The following GSAP variants were observed in gnomAD, a reference collection of about 807,000 sequenced individuals.
GSAP encodes the protein gamma-secretase-activating protein.
GSAP carries 118 observed loss-of-function variants against 131.7 expected under a neutral mutation model. That is an observed-to-expected ratio of 0.90 (90% CI 0.77 to 1.04). The LOEUF (loss-of-function observed/expected upper bound fraction) is 1.04. Ranked by LOEUF, GSAP falls within the 50% of genes least tolerant of loss-of-function variation. The pLI is 0.00. For synonymous variants in GSAP, 381 were observed against 363.4 expected (o/e 1.05, Z -0.55); for missense variants, 1,019 against 1,013.2 (o/e 1.01, Z -0.08).
At chr7:77,408,099 T>C (rs1167924746) in intron 1 of GSAP, among the ~76,000 whole-genome samples, 2 of 152,188 alleles carry the variant, frequency 1.3e-5, no homozygotes, top group Non-Finnish European at 2.9e-5. Context: ...ACTTCTGAGG[T>C]TCCATTAATG....
chr7:77,330,826 CTGCCCAGGACATTTT>C, intron 19 of GSAP: 5 of 983,208 alleles, frequency 5.1e-6, no homozygotes, highest in Non-Finnish European at 4.8e-6. Context: ...AATTTATTTA[CTGCCCAGGACATTTT>C]TCAAAACCTA....
At chr7:77,403,680 C>T (rs1859572) in intron 3 of GSAP, among the ~76,000 whole-genome samples, 57,187 of 151,910 alleles carry the variant, frequency 0.38, 13,896 homozygotes, top group African/African-American at 0.69. Context: ...ATAGGATGAC[C>T]TGGGAGTACA....
intron 6 of GSAP, among the ~76,000 whole-genome samples, chr7:77,383,913 T>C (rs1798151062): frequency 6.6e-6 from 1 of 152,262 alleles, no homozygotes; most frequent in African/African-American, 2.4e-5. Context: ...TTAAAAATAG[T>C]ACTAGTCAAA....
intron 18 of GSAP, among the ~76,000 whole-genome samples, chr7:77,350,418 TATA>T (rs1385321239): frequency 6.8e-6 from 1 of 146,226 alleles, no homozygotes; most frequent in Non-Finnish European, 1.5e-5. Flanking sequence ...AAACTTAAAG[TATA>T]ATAATTAAAA....
At chr7:77,339,263 T>G (rs942488677) in intron 19 of GSAP, among the ~76,000 whole-genome samples, 2 of 151,958 alleles carry the variant, frequency 1.3e-5, no homozygotes, top group African/African-American at 4.8e-5. Flanking sequence ...TTGGAGTGAA[T>G]GGGTGGTATT....
intron 22 of GSAP, 43 bp from the exon 23 acceptor site, chr7:77,326,316 A>G: frequency 7.4e-7 from 1 of 1,342,790 alleles, no homozygotes; most frequent in South Asian, 1.2e-5. Flanking sequence ...AGCAGTTTTC[A>G]GGAGATGGGT....
intron 26 of GSAP, among the ~76,000 whole-genome samples, chr7:77,317,855 A>C (rs1326027863): frequency 6.6e-6 from 1 of 152,222 alleles, no homozygotes; most frequent in Non-Finnish European, 1.5e-5. Flanking sequence ...GTAATCCTTC[A>C]ATCTTTCTAG....
chr7:77,362,290 C>A (rs776560890), intron 13 of GSAP, among the ~76,000 whole-genome samples: 1 of 152,066 alleles, frequency 6.6e-6, no homozygotes, highest in Non-Finnish European at 1.5e-5. Context: ...AGTTCAAGAC[C>A]ACCCTGGGCA....
intron 19 of GSAP, chr7:77,330,622 A>C: frequency 9.4e-7 from 1 of 1,065,446 alleles, no homozygotes; most frequent in Non-Finnish European, 1.1e-6. Flanking sequence ...CACATAGAGA[A>C]CTGCTGCTCA....
intron 19 of GSAP, among the ~76,000 whole-genome samples, chr7:77,336,909 T>A (rs1236801835): frequency 6.6e-6 from 1 of 152,150 alleles, no homozygotes; most frequent in African/African-American, 2.4e-5. Flanking sequence ...TTCCAGAAAA[T>A]ATGTGCAAAC....
At chr7:77,372,235 A>G (rs1364759494) in intron 12 of GSAP, among the ~76,000 whole-genome samples, 2 of 152,268 alleles carry the variant, frequency 1.3e-5, no homozygotes, top group Non-Finnish European at 2.9e-5. Context: ...GGACTTTTCA[A>G]TATGTCAATG....
chr7:77,349,394 C>T lies in GSAP; in HGVS notation c.1502G>A (p.Gly501Glu). The change falls in exon 19 of 31, where the codon GGA (glycine) becomes GAA (glutamate). Residue 501 changes from glycine to glutamate, a missense_variant. Gly to Glu is a moderately conservative substitution (Grantham distance 98). Coordinates refer to ENST00000257626, the MANE Select transcript of GSAP (RefSeq NM_017439.4). Reference protein sequence around the residue: ...SVLTWNTEIPGITLVTEDIAL... With the variant: ...SVLTWNTEIPEITLVTEDIAL... Reference sequence around the variant, plus strand: ...AATGTCTTCTGTCACAAGAGTTATTCCAGGAATTTCCTATAGTGGGGAAAA... The same window carrying T: ...AATGTCTTCTGTCACAAGAGTTATTTCAGGAATTTCCTATAGTGGGGAAAA... 1 of 1,612,606 alleles carries T rather than the reference C, an allele frequency of 6.2e-7. No homozygotes were observed. Among genetic ancestry groups the T allele is most frequent in the Non-Finnish European group, 8.5e-7 (1 of 1,179,058 alleles).
At chr7:77,392,893 T>C (rs896557498) in intron 5 of GSAP, among the ~76,000 whole-genome samples, 1 of 152,156 alleles carries the variant, frequency 6.6e-6, no homozygotes, top group Non-Finnish European at 1.5e-5. Context: ...CCCTGACCCA[T>C]ATGGTCACCC....
chr7:77,416,205 T>TCC lies in GSAP; in HGVS notation c.109+6_109+7dup, dbSNP rs1804437823. 1 of 748,050 alleles carries TCC rather than the reference T, an allele frequency of 1.3e-6. No individual in the cohort carries two copies. Among genetic ancestry groups the TCC allele is most frequent in the African/African-American group, 2.6e-5 (1 of 38,464 alleles). 46.3% of individuals were successfully genotyped at this position (748,050 alleles called of 1,614,324 possible). ...CCCCCACCCCTCTCCGCAGCGCGCCTCCCGCACCTGCGCCGCCGCTTCCGG... is the reference window on the plus strand; with the variant it reads ...CCCCCACCCCTCTCCGCAGCGCGCCTCCCCCGCACCTGCGCCGCCGCTTCCGG... On this transcript the variant is annotated splice_region_variant and intron_variant, in intron 1 of 30. Transcript: ENST00000257626.
In GSAP at chr7:77,374,077, G is replaced by A. The variant is rs1427506376; in HGVS notation, c.864C>T (p.Asn288=). 2.6e-6 allele frequency: 4 copies of A among 1,537,900 alleles called. No homozygotes were observed. Among genetic ancestry groups the A allele is most frequent in the Non-Finnish European group, 2.7e-6 (3 of 1,115,888 alleles). ...AATACAACCCTAGTTTACCTGTATG[G>A]TTGGTAAAAACACACAGAGTCAGGT... ...SKHLTLCVFT[N]HTGSLCVCYS... is the part of the protein sequence containing the mutation. The change falls in exon 12 of 31, where the codon AAC becomes AAT. Residue 288 remains asparagine (N), a synonymous_variant. Coordinates refer to ENST00000257626, the MANE Select transcript of GSAP (RefSeq NM_017439.4).
intron 23 of GSAP, among the ~76,000 whole-genome samples, chr7:77,324,545 C>A (rs767386406): frequency 7.9e-5 from 12 of 152,158 alleles, no homozygotes; most frequent in Admixed American, 3.9e-4. Context: ...CATTACAATA[C>A]CCCGAGTAAA....
At chr7:77,395,746 C>T (rs1045857864) in intron 5 of GSAP, among the ~76,000 whole-genome samples, 1 of 152,182 alleles carries the variant, frequency 6.6e-6, no homozygotes, top group Non-Finnish European at 1.5e-5. Context: ...GAGTGCCTCA[C>T]AAGCCTCATG....
chr7:77,337,301 T>TGGGGGGGGGGGGGGGGG (rs34134192), intron 19 of GSAP, among the ~76,000 whole-genome samples: 3 of 65,674 alleles, frequency 4.6e-5, no homozygotes, highest in Non-Finnish European at 6.7e-5. Flanking sequence ...GGGGGTGGGG[T>TGGGGGGGGGGGGGGGGG]GGGGGGGGGG....
chr7:77,407,776 G>T (rs559494062), intron 1 of GSAP, among the ~76,000 whole-genome samples: 3 of 152,022 alleles, frequency 2.0e-5, no homozygotes, highest in Non-Finnish European at 2.9e-5. Flanking sequence ...ATCTTCAAAA[G>T]AAATATATAC....
Sources: gnomAD v4.1 joint callset for allele counts (sites outside exome capture counted in the v4.1 genomes callset) on GRCh38, gnomAD v4.1.1 for gene constraint, MANE v1.5 for transcripts, NCBI Gene and HGNC (gene_info 2026-07-23, HGNC 2026-07-21) for gene names.